The following WWOX variants were observed in gnomAD, a reference collection of about 807,000 sequenced individuals.
WWOX encodes WW domain-containing oxidoreductase.
WWOX carries 69 observed loss-of-function variants against 46.2 expected under a neutral mutation model. The ratio of observed to expected loss-of-function variants is 1.49; its 90% CI spans 1.23 to 1.82. WWOX has a LOEUF of 1.82. Ranked by LOEUF, WWOX falls within the 40% of genes most tolerant of loss-of-function variation. WWOX has a pLI of 0.00. For synonymous variants in WWOX, 359 were observed against 202.6 expected (o/e 1.77, Z -6.56); for missense variants, 919 against 542.6 (o/e 1.69, Z -6.89).
chr16:79,034,251 C>T (rs2047822394), intron 8 of WWOX, among the ~76,000 whole-genome samples: 1 of 152,132 alleles, frequency 6.6e-6, no homozygotes, highest in Non-Finnish European at 1.5e-5. Flanking sequence ...AAAAATAGTT[C>T]ACTGTCTCAG....
At chr16:78,698,772 T>C (rs1371663233) in intron 8 of WWOX, among the ~76,000 whole-genome samples, 1 of 152,134 alleles carries the variant, frequency 6.6e-6, no homozygotes, top group Non-Finnish European at 1.5e-5. Context: ...GGCCTGGAGA[T>C]CAAGGCTGCA....
chr16:78,174,255 T>C (rs910215786), intron 5 of WWOX, among the ~76,000 whole-genome samples: 3 of 152,164 alleles, frequency 2.0e-5, no homozygotes, highest in African/African-American at 4.8e-5. Flanking sequence ...GCACTTCTTA[T>C]ATGGTGTCAG....
At chr16:78,328,724 T>G (rs1166211806) in intron 5 of WWOX, among the ~76,000 whole-genome samples, 1 of 152,236 alleles carries the variant, frequency 6.6e-6, no homozygotes, top group African/African-American at 2.4e-5. Context: ...GGACTTCTGC[T>G]GAAAAGTGCT....
In WWOX at chr16:78,803,835, A is replaced by T. The variant is rs970302703; in HGVS notation, c.1056+371083A>T. Among the ~76,000 whole-genome samples, 6 of 152,144 alleles carry T rather than the reference A, an allele frequency of 3.9e-5. No homozygotes were observed. The East Asian group carries it at 5.8e-4, about 15-fold the overall frequency. ...GATGGAGGAATTTTAAAAGAATTGA[A>T]CAAATAAAATAGTCAGAGCTCAAAA... is the stretch of plus-strand genomic sequence containing the variant. On this transcript the variant is annotated intron_variant, in intron 8 of 8. Transcript: ENST00000566780.
chr16:78,169,380 C>A (rs193253060), intron 5 of WWOX, among the ~76,000 whole-genome samples: 1 of 151,896 alleles, frequency 6.6e-6, no homozygotes, highest in South Asian at 2.1e-4. Context: ...TTATTCTTTC[C>A]TTTACCCAGT....
chr16:78,620,874 A>T (rs2046163954), intron 8 of WWOX, among the ~76,000 whole-genome samples: 1 of 152,164 alleles, frequency 6.6e-6, no homozygotes, highest in Non-Finnish European at 1.5e-5. Flanking sequence ...TGTCCAGGTC[A>T]CTACGTATTG....
chr16:79,146,880 C>G (rs940835278), intron 8 of WWOX, among the ~76,000 whole-genome samples: 2 of 152,174 alleles, frequency 1.3e-5, no homozygotes, highest in African/African-American at 2.4e-5. Flanking sequence ...GCTTGTACTT[C>G]TACATGTGTC....
chr16:78,609,816 C>T (rs1247037270), intron 8 of WWOX, among the ~76,000 whole-genome samples: 1 of 152,222 alleles, frequency 6.6e-6, no homozygotes, highest in African/African-American at 2.4e-5. Context: ...AAGCTATCTG[C>T]TAATCCCTGT....
intron 5 of WWOX, among the ~76,000 whole-genome samples, chr16:78,352,332 T>A (rs1951417973): frequency 6.6e-6 from 1 of 152,222 alleles, no homozygotes; most frequent in African/African-American, 2.4e-5. Flanking sequence ...CTTTACAGTT[T>A]TGGAGGTCAG....
intron 8 of WWOX, among the ~76,000 whole-genome samples, chr16:78,625,197 A>G (rs2046284329): frequency 6.6e-6 from 1 of 152,180 alleles, no homozygotes; most frequent in African/African-American, 2.4e-5. Context: ...CTTCATGAGG[A>G]CAGCTGCAGT....
At chr16:78,495,196 G>C (rs1184400322) in intron 8 of WWOX, among the ~76,000 whole-genome samples, 1 of 135,714 alleles carries the variant, frequency 7.4e-6, no homozygotes, top group African/African-American at 2.6e-5. Context: ...GTTGCAGTGC[G>C]GTGGCATGAT....
intron 5 of WWOX, chr16:78,167,207 A>T (rs1052212686): frequency 6.6e-6 from 1 of 152,150 alleles, no homozygotes; most frequent in Non-Finnish European, 1.5e-5. Flanking sequence ...TTATTGTTTG[A>T]TGCTTAGAGC....
chr16:78,506,728 T>TTTTTTTTTTTTTTTG (rs1330915138), intron 8 of WWOX, among the ~76,000 whole-genome samples: 3 of 93,630 alleles, frequency 3.2e-5, no homozygotes, highest in African/African-American at 3.9e-5. Context: ...TTTTTTTTTT[T>TTTTTTTTTTTTTTTG]GTACAGAGTC....
At chr16:78,690,914 C>T (rs543884029) in intron 8 of WWOX, among the ~76,000 whole-genome samples, 19 of 152,104 alleles carry the variant, frequency 1.2e-4, no homozygotes, top group Admixed American at 2.6e-4. Flanking sequence ...TGCAGGTGGC[C>T]GAAGCCTTTG....
At chr16:78,379,101 A>G (rs2081896084) in intron 5 of WWOX, among the ~76,000 whole-genome samples, 1 of 152,202 alleles carries the variant, frequency 6.6e-6, no homozygotes. Context: ...GGAAAATTAT[A>G]GATGCTTCAG....
intron 8 of WWOX, chr16:78,996,371 C>CGGGGGGGCGGCGGCG: frequency 1.7e-6 from 1 of 584,182 alleles, no homozygotes; most frequent in Non-Finnish European, 2.0e-6. Flanking sequence ...GTGAATTCTG[C>CGGGGGGGCGGCGGCG]ACCCACCCCC....
chr16:78,927,115 C>A (rs370219928), intron 8 of WWOX, among the ~76,000 whole-genome samples: 1 of 152,184 alleles, frequency 6.6e-6, no homozygotes, highest in Admixed American at 6.5e-5. Flanking sequence ...TTCTTGACTG[C>A]GAGAAAGTCA....
intron 8 of WWOX, among the ~76,000 whole-genome samples, chr16:79,082,990 C>T (rs966764832): frequency 6.6e-6 from 1 of 152,084 alleles, no homozygotes; most frequent in African/African-American, 2.4e-5. Flanking sequence ...GAGTGGTTCC[C>T]AAAATGCCTA....
At chr16:78,135,463 C>T (rs1343060460) in intron 4 of WWOX, among the ~76,000 whole-genome samples, 2 of 152,128 alleles carry the variant, frequency 1.3e-5, no homozygotes, top group African/African-American at 4.8e-5. Context: ...ATCTTCAATT[C>T]AAATCTTCTA....
Sources: gnomAD v4.1 joint callset for allele counts (sites outside exome capture counted in the v4.1 genomes callset) on GRCh38, gnomAD v4.1.1 for gene constraint, MANE v1.5 for transcripts, NCBI Gene and HGNC (gene_info 2026-07-23, HGNC 2026-07-21) for gene names.